The following TMC1 variants were observed in gnomAD, a reference collection of about 807,000 sequenced individuals.
TMC1 encodes transmembrane channel-like protein 1.
In TMC1, 84 loss-of-function variants were observed where a neutral mutation model predicts 105.8. The observed-to-expected ratio is 0.79, with a 90% CI of 0.67 to 0.95. TMC1 has a LOEUF of 0.95. Among genes scored for constraint, TMC1 ranks in the 40% least tolerant of loss-of-function variants. TMC1 has a pLI of 0.00. For missense variants in TMC1, 817 were observed against 914.1 expected (o/e 0.89, Z 1.37); for synonymous variants, 315 against 311.5 (o/e 1.01, Z -0.12).
chr9:72,638,390 G>T (rs1405337250), intron 4 of TMC1, among the ~76,000 whole-genome samples: 1 of 151,924 alleles, frequency 6.6e-6, no homozygotes, highest in Admixed American at 6.6e-5. Flanking sequence ...CAATTCATCG[G>T]CTGGATTTGA....
intron 7 of TMC1, among the ~76,000 whole-genome samples, chr9:72,699,320 T>G (rs1005615297): frequency 3.3e-5 from 5 of 152,176 alleles, no homozygotes; most frequent in Non-Finnish European, 7.3e-5. Flanking sequence ...TTCAAAGGAT[T>G]CACTTCCACC....
At chr9:72,745,234 T>C (rs1827469824) in intron 10 of TMC1, among the ~76,000 whole-genome samples, 2 of 152,216 alleles carry the variant, frequency 1.3e-5, no homozygotes, top group South Asian at 2.1e-4. Context: ...TCCTGCAATG[T>C]GCACATTAAC....
intron 13 of TMC1, among the ~76,000 whole-genome samples, chr9:72,773,156 TA>T (rs1256542179): frequency 6.6e-6 from 1 of 152,170 alleles, no homozygotes; most frequent in Non-Finnish European, 1.5e-5. Flanking sequence ...TCTCCCTGCC[TA>T]AAATTATTTA....
chr9:72,744,333 C>T (rs1029104976), intron 10 of TMC1, among the ~76,000 whole-genome samples: 3 of 152,172 alleles, frequency 2.0e-5, no homozygotes, highest in African/African-American at 7.2e-5. Context: ...TTCACTCCTG[C>T]ATTCCACTTG....
intron 5 of TMC1, among the ~76,000 whole-genome samples, chr9:72,670,882 T>TTTACACTA (rs1826117692): frequency 6.6e-6 from 1 of 152,166 alleles, no homozygotes; most frequent in Admixed American, 6.5e-5. Context: ...GGTATAAGGT[T>TTTACACTA]TTACACTATG....
chr9:72,797,138 T>TA (rs1349584907), intron 17 of TMC1, among the ~76,000 whole-genome samples: 1 of 151,984 alleles, frequency 6.6e-6, no homozygotes, highest in Non-Finnish European at 1.5e-5. Flanking sequence ...GATAATAAAA[T>TA]ACTTAAGAAT....
intron 8 of TMC1, among the ~76,000 whole-genome samples, chr9:72,702,468 GAA>G (rs950550995): frequency 2.0e-5 from 3 of 152,072 alleles, no homozygotes; most frequent in African/African-American, 7.2e-5. Flanking sequence ...AGAGTTTTTG[GAA>G]TTATAAAATG....
At chr9:72,522,464 C>T (rs1203187195) in intron 1 of TMC1, among the ~76,000 whole-genome samples, 1 of 152,032 alleles carries the variant, frequency 6.6e-6, no homozygotes, top group African/African-American at 2.4e-5. Flanking sequence ...AAATGTGGGA[C>T]AATTTATTGC....
At chr9:72,529,903 G>A (rs993806711) in intron 1 of TMC1, among the ~76,000 whole-genome samples, 2 of 152,116 alleles carry the variant, frequency 1.3e-5, no homozygotes, top group African/African-American at 4.8e-5. Flanking sequence ...TCCCTGATAA[G>A]GGTTCTGCCC....
rs57564294 is a variant in TMC1 at position 72,814,896 on chromosome 9, TTGTGTGTGTGTGTGTGTGTG to T, written c.1696-1215_1696-1196del. 2.4e-3 allele frequency among the ~76,000 whole-genome samples: 290 copies of T among 119,234 alleles called. 1 individual carries two copies. The highest frequency in any genetic ancestry group is 8.8e-3 in the African/African-American group (278 of 31,472). The allele number at this position is 119,234 out of a possible 152,430, so 78.2% of individuals were successfully genotyped here. ...GAACAGAGGCTCTCTTGGATCATCT[TTGTGTGTGTGTGTGTGTGTG>T]TGTGTGTGTGTGTGTGTGTGTGTGT... On this transcript the variant is annotated intron_variant, in intron 18 of 23. Transcript: ENST00000297784.
At chr9:72,650,872 T>TATATATATATATA (rs1825793638) in intron 5 of TMC1, among the ~76,000 whole-genome samples, 2 of 119,876 alleles carry the variant, frequency 1.7e-5, no homozygotes, top group African/African-American at 3.4e-5. Flanking sequence ...ATGGTGTATT[T>TATATATATATATA]TATATATATA....
intron 5 of TMC1, among the ~76,000 whole-genome samples, chr9:72,667,700 G>A (rs1276569828): frequency 6.6e-6 from 1 of 152,180 alleles, no homozygotes. Flanking sequence ...AAATTGCTTA[G>A]CAGTAAAACA....
chr9:72,595,667 T>C (rs1386466483), intron 2 of TMC1, among the ~76,000 whole-genome samples: 3 of 140,294 alleles, frequency 2.1e-5, no homozygotes, highest in Non-Finnish European at 4.5e-5. Context: ...AACAAGCAAC[T>C]CTCAACTTTT....
At chr9:72,602,669 C>T (rs1057061792) in intron 2 of TMC1, among the ~76,000 whole-genome samples, 1 of 152,178 alleles carries the variant, frequency 6.6e-6, no homozygotes, top group Non-Finnish European at 1.5e-5. Flanking sequence ...GCCACTGCAC[C>T]CGGCCCCTTA....
intron 5 of TMC1, among the ~76,000 whole-genome samples, chr9:72,670,545 T>C (rs535629012): frequency 1.6e-4 from 24 of 151,994 alleles, no homozygotes; most frequent in Non-Finnish European, 3.1e-4. Context: ...AGCATGAAAA[T>C]AAATACCCAT....
chr9:72,550,657 CA>C (rs71493659), intron 1 of TMC1, among the ~76,000 whole-genome samples: 151 of 61,790 alleles, frequency 2.4e-3, no homozygotes, highest in Middle Eastern at 0.011. Flanking sequence ...GACTCCATCT[CA>C]AAAAAAAAAA....
intron 19 of TMC1, 36 bp from the exon 20 acceptor site, chr9:72,820,806 G>A (rs764657906): frequency 1.2e-6 from 2 of 1,612,980 alleles, no homozygotes; most frequent in Non-Finnish European, 1.7e-6. Context: ...ATGGAGTAAA[G>A]ACTCAAAACT....
chr9:72,826,371 T>C (rs1487000633), intron 20 of TMC1, among the ~76,000 whole-genome samples: 2 of 152,108 alleles, frequency 1.3e-5, no homozygotes, highest in Non-Finnish European at 2.9e-5. Flanking sequence ...ACCTTACCTA[T>C]TAACATATCT....
At chr9:72,777,507 G>C (rs76761469) in intron 13 of TMC1, among the ~76,000 whole-genome samples, 1,872 of 152,270 alleles carry the variant, frequency 0.012, 31 homozygotes, top group African/African-American at 0.043. Context: ...TACAGGGCAT[G>C]ATATTCTGGC....
Sources: gnomAD v4.1 joint callset for allele counts (sites outside exome capture counted in the v4.1 genomes callset) on GRCh38, gnomAD v4.1.1 for gene constraint, MANE v1.5 for transcripts, NCBI Gene and HGNC (gene_info 2026-07-23, HGNC 2026-07-21) for gene names.